The following TYW1 variants were observed in gnomAD, a reference collection of about 807,000 sequenced individuals.
TYW1 encodes the protein S-adenosyl-L-methionine-dependent tRNA 4-demethylwyosine synthase TYW1.
TYW1 carries 46 observed loss-of-function variants against 96.2 expected under a neutral mutation model. The observed-to-expected ratio is 0.48, with a 90% CI of 0.38 to 0.61. The LOEUF is 0.61. Among genes scored for constraint, TYW1 ranks in the 20% least tolerant of loss-of-function variants. TYW1 has a pLI of 0.00. For missense variants in TYW1, 684 were observed against 909.6 expected (o/e 0.75, Z 3.19); for synonymous variants, 274 against 323.0 (o/e 0.85, Z 1.63).
chr7:67,012,900 A>C (rs868033020), intron 4 of TYW1, among the ~76,000 whole-genome samples: 12 of 151,818 alleles, frequency 7.9e-5, no homozygotes, highest in Non-Finnish European at 1.3e-4. Context: ...TTTAAAAAAA[A>C]AAACCAAAAC....
chr7:67,234,810 G>A (rs1801835502), intron 15 of TYW1, among the ~76,000 whole-genome samples: 1 of 152,144 alleles, frequency 6.6e-6, no homozygotes, highest in Admixed American at 6.6e-5. Flanking sequence ...TAGAAGTGAG[G>A]AAGTTGGTTT....
chr7:67,139,988 C>T (rs1335832390), intron 13 of TYW1, among the ~76,000 whole-genome samples: 2 of 151,954 alleles, frequency 1.3e-5, no homozygotes, highest in Non-Finnish European at 2.9e-5. Flanking sequence ...TTTAATGGGA[C>T]TTACAGTTCC....
intron 7 of TYW1, among the ~76,000 whole-genome samples, chr7:67,042,977 A>G (rs1055662357): frequency 3.3e-5 from 5 of 152,036 alleles, no homozygotes; most frequent in African/African-American, 9.7e-5. Context: ...AGCTTAGGCA[A>G]CAGCCTGAGA....
chr7:67,004,067 A>G (rs1161484577), intron 3 of TYW1, among the ~76,000 whole-genome samples: 1 of 126,804 alleles, frequency 7.9e-6, no homozygotes, highest in Non-Finnish European at 1.7e-5. Context: ...AACAAAAAAC[A>G]AAAAAAACAA....
At chr7:67,156,836 C>T (rs1252247542) in intron 13 of TYW1, among the ~76,000 whole-genome samples, 1 of 151,096 alleles carries the variant, frequency 6.6e-6, no homozygotes, top group African/African-American at 2.4e-5. Context: ...CTCTCTGGAA[C>T]AGTTAGTCAT....
chr7:67,029,744 A>G (rs1486437289), intron 7 of TYW1, among the ~76,000 whole-genome samples: 1 of 152,084 alleles, frequency 6.6e-6, no homozygotes, highest in Non-Finnish European at 1.5e-5. Context: ...TCCTTCATCC[A>G]GACTGAAGTG....
intron 11 of TYW1, among the ~76,000 whole-genome samples, chr7:67,095,157 C>G (rs1337741239): frequency 6.6e-6 from 1 of 151,984 alleles, no homozygotes; most frequent in Non-Finnish European, 1.5e-5. Context: ...CACCACCACG[C>G]CTGGCTAATT....
At chr7:67,045,399 G>A (rs1469901078) in intron 7 of TYW1, among the ~76,000 whole-genome samples, 1 of 151,100 alleles carries the variant, frequency 6.6e-6, no homozygotes, top group Non-Finnish European at 1.5e-5. Context: ...TTTTTTTTTT[G>A]TAGAGCTGAG....
intron 12 of TYW1, among the ~76,000 whole-genome samples, chr7:67,105,966 C>T (rs1234481039): frequency 5.7e-5 from 8 of 141,188 alleles, no homozygotes; most frequent in South Asian, 4.4e-4. Context: ...GGTGCGATCT[C>T]GGCTCACCAC....
At chr7:67,154,470 A>ATAGTATT (rs552738692) in intron 13 of TYW1, among the ~76,000 whole-genome samples, 1 of 148,784 alleles carries the variant, frequency 6.7e-6, no homozygotes, top group African/African-American at 2.5e-5. Context: ...GTTTTGCTGG[A>ATAGTATT]TTTGATAAGC....
chr7:67,229,411 T>C (rs1358637874), intron 15 of TYW1, among the ~76,000 whole-genome samples: 2 of 151,914 alleles, frequency 1.3e-5, no homozygotes, highest in East Asian at 3.9e-4. Context: ...TGGTGGGGCA[T>C]GCCTGTAATC....
chr7:67,223,606 A>C (rs71563194), intron 15 of TYW1, among the ~76,000 whole-genome samples: 2 of 149,072 alleles, frequency 1.3e-5, no homozygotes, highest in Non-Finnish European at 3.0e-5. Context: ...TAAGCTAGAC[A>C]GGGAGGGGCT....
intron 13 of TYW1, among the ~76,000 whole-genome samples, chr7:67,146,459 T>C (rs1258863199): frequency 7.3e-6 from 1 of 136,302 alleles, no homozygotes; most frequent in Non-Finnish European, 1.6e-5. Context: ...TATTTTCTGA[T>C]AGGAGAGATG....
chr7:67,066,057 G>T (rs1168258851), intron 9 of TYW1, among the ~76,000 whole-genome samples: 2 of 151,306 alleles, frequency 1.3e-5, no homozygotes, highest in South Asian at 2.1e-4. Context: ...ACGTGTAAAG[G>T]CTACTCATTC....
At chr7:67,015,094 C>T (rs1358045198) in intron 5 of TYW1, among the ~76,000 whole-genome samples, 17 of 151,194 alleles carry the variant, frequency 1.1e-4, no homozygotes, top group Non-Finnish European at 2.9e-5. Context: ...CTCCGCCTCC[C>T]GGGTTCAAGC....
At chr7:67,053,844 C>A (rs1452760894) in intron 8 of TYW1, among the ~76,000 whole-genome samples, 2 of 152,194 alleles carry the variant, frequency 1.3e-5, no homozygotes, top group African/African-American at 2.4e-5. Flanking sequence ...CCCCTGTAGA[C>A]TCTTGGAGTC....
intron 1 of TYW1, 74 bp downstream of exon 1, chr7:66,997,056 G>T (rs548365430): frequency 1.1e-5 from 18 of 1,603,416 alleles, no homozygotes; most frequent in Non-Finnish European, 1.5e-5. Flanking sequence ...CTCTCCGGGC[G>T]GAGTGGCGTC....
chr7:67,196,389 G>A (rs146749423), intron 15 of TYW1, among the ~76,000 whole-genome samples: 2,644 of 152,182 alleles, frequency 0.017, 46 homozygotes, highest in Non-Finnish European at 0.026. Flanking sequence ...TCCTGTGGGC[G>A]TGTGTCTGTT....
At chr7:67,105,778 A>T (rs13238245) in intron 12 of TYW1, among the ~76,000 whole-genome samples, 1 of 152,256 alleles carries the variant, frequency 6.6e-6, no homozygotes, top group Non-Finnish European at 1.5e-5. Context: ...AGTCCCAGAA[A>T]AATGGAAGAA....
Sources: gnomAD v4.1 joint callset for allele counts (sites outside exome capture counted in the v4.1 genomes callset) on GRCh38, gnomAD v4.1.1 for gene constraint, MANE v1.5 for transcripts, NCBI Gene and HGNC (gene_info 2026-07-23, HGNC 2026-07-21) for gene names.